POR: variants seen among roughly 807,000 people sequenced by gnomAD.
POR encodes the protein cytochrome p450 oxidoreductase, also known as NADPH--cytochrome P450 reductase.
POR carries 56 observed loss-of-function variants against 84.0 expected under a neutral mutation model. The ratio of observed to expected loss-of-function variants is 0.67; its 90% confidence interval spans 0.54 to 0.83. The LOEUF is 0.83. Among genes scored for constraint, POR ranks in the 40% least tolerant of loss-of-function variants. POR has a pLI of 0.00. For missense variants in POR, 938 were observed against 944.3 expected, an observed-to-expected ratio of 0.99 and a Z score of 0.09; for synonymous variants, 414 against 400.5, an observed-to-expected ratio of 1.03 and a Z score of -0.40.
At position 75,954,061 on chromosome 7, in the gene POR, ATC is replaced by A. The variant is rs782696006; in HGVS notation, c.73_74del (p.Leu25PhefsTer93). On this transcript the variant is annotated frameshift_variant, in exon 2 of 16. Coordinates refer to ENST00000461988, the MANE Select transcript of POR (RefSeq NM_000941.3). LOFTEE classifies it high-confidence loss of function. ...TGTCCGAGGCGGTGGCCGAAGAAGT[ATC>A]TCTTTTCAGCATGACGGACATGATT... 2 of 1,612,420 alleles carry A rather than the reference ATC, an allele frequency of 1.2e-6. No homozygotes were observed. The highest frequency in any genetic ancestry group is 3.3e-5 in the Admixed American group (2 of 59,788).
intron 2 of POR, among the ~76,000 whole-genome samples, chr7:75,962,526 C>T (rs1321008754): frequency 5.9e-5 from 9 of 152,156 alleles, no homozygotes; most frequent in Admixed American, 1.3e-4. Context: ...CTTGTTCGAA[C>T]GTCTGAGTTC....
Position 75,966,995 on chromosome 7 carries a change from G to C in POR, c.189-5418G>C, listed in dbSNP as rs41296500. Among the ~76,000 whole-genome samples, 355 of 152,108 alleles carry C rather than the reference G, an allele frequency of 2.3e-3. 3 individuals carry two copies. Among genetic ancestry groups the C allele is most frequent in the African/African-American group, 8.2e-3 (341 of 41,478 alleles). On this transcript the variant is annotated intron_variant, in intron 2 of 15. Coordinates refer to ENST00000461988, the MANE Select transcript of POR (RefSeq NM_000941.3). ...TTTTGTTTGTTTTTTCTTGAGACAG[G>C]GTCTCACTCTGTCAACCAGGTTGGA...
chr7:75,948,660 C>G (rs1342752949), intron 1 of POR, among the ~76,000 whole-genome samples: 3 of 152,192 alleles, frequency 2.0e-5, no homozygotes, highest in Admixed American at 1.3e-4. Context: ...CACTGCCAAT[C>G]CAGGTACCCG....
At chr7:75,949,216 G>A (rs370394703) in intron 1 of POR, among the ~76,000 whole-genome samples, 1 of 151,856 alleles carries the variant, frequency 6.6e-6, no homozygotes, top group South Asian at 2.1e-4. Flanking sequence ...GTGCAGTGGC[G>A]TGATCTCAGC....
chr7:75,985,130 C>T lies in POR; in HGVS notation c.1321C>T (p.Arg441Trp), dbSNP rs782215859. 21 of 1,599,894 alleles carry T rather than the reference C, an allele frequency of 1.3e-5. No individual in the cohort carries two copies. The East Asian group carries it at 1.8e-4, about 14-fold the overall frequency. ...CATCCTGCAGGACTGCCCGTCCCTG[C>T]GGCCCCCCATCGACCACCTGTGTGA... The change falls in exon 12 of 16, where the codon CGG (arginine) becomes TGG (tryptophan). Residue 441 changes from arginine (R) to tryptophan (W), a missense_variant. Transcript: ENST00000461988.
At chr7:75,983,477 C>G (rs1563432634) in intron 8 of POR, 43 bp from the exon 9 acceptor site, 2 of 1,434,348 alleles carry the variant, frequency 1.4e-6, no homozygotes, top group Non-Finnish European at 2.0e-6. Flanking sequence ...AGACTCAGAT[C>G]AAAGCCCCGG....
At chr7:75,934,374 A>G (rs879985921) in intron 1 of POR, among the ~76,000 whole-genome samples, 1 of 152,178 alleles carries the variant, frequency 6.6e-6, no homozygotes, top group South Asian at 2.1e-4. Context: ...CCCTACATTC[A>G]GATGTGGGAG....
intron 1 of POR, among the ~76,000 whole-genome samples, chr7:75,921,746 C>A (rs929632566): frequency 6.6e-6 from 1 of 152,080 alleles, no homozygotes; most frequent in Non-Finnish European, 1.5e-5. Context: ...CCTTTCTCTT[C>A]GCCCAGACTG....
intron 2 of POR, among the ~76,000 whole-genome samples, chr7:75,968,915 G>A (rs781835883): frequency 8.5e-5 from 13 of 152,214 alleles, no homozygotes; most frequent in South Asian, 2.1e-4. Flanking sequence ...CGGGCTTCTG[G>A]GATGGGAGCC....
chr7:75,982,957 TCA>T (rs1554558354), intron 8 of POR, among the ~76,000 whole-genome samples: 1 of 152,210 alleles, frequency 6.6e-6, no homozygotes, highest in African/African-American at 2.4e-5. Flanking sequence ...AGCTTGGGCC[TCA>T]CAGTTCTTTT....
At chr7:75,935,992 G>A (rs1213463480) in intron 1 of POR, among the ~76,000 whole-genome samples, 1 of 151,406 alleles carries the variant, frequency 6.6e-6, no homozygotes, top group African/African-American at 2.4e-5. Context: ...TCTCCCTTTG[G>A]CAGTTTTCTG....
intron 8 of POR, 50 bp downstream of exon 8, chr7:75,982,372 G>A (rs1554558223): frequency 2.8e-6 from 4 of 1,433,942 alleles, no homozygotes; most frequent in Non-Finnish European, 1.9e-6. Flanking sequence ...GGCCACTGGT[G>A]CACCCCAGGC....
chr7:75,962,436 G>A (rs868972300), intron 2 of POR, among the ~76,000 whole-genome samples: 7 of 152,044 alleles, frequency 4.6e-5, no homozygotes, highest in Non-Finnish European at 8.8e-5. Flanking sequence ...CTGGGGCTAC[G>A]GGCATGTGCC....
At position 75,980,820 on chromosome 7, in the gene POR, G is replaced by A. The variant is rs939133645; in HGVS notation, c.517-228G>A. The A allele has an allele frequency of 9.8e-6, 12 of 1,224,166 alleles. No homozygotes were observed. In the African/African-American group the frequency reaches 1.4e-4, roughly 14 times the overall value. The allele number at this position is 1,224,166 out of a possible 1,614,324, so 75.8% of individuals were successfully genotyped here. A position where few individuals can be genotyped will look rare whatever the true frequency, so the allele number is the denominator to read the frequency against. On this transcript the variant is annotated intron_variant, in intron 5 of 15. Transcript: ENST00000461988. ...GGTGGGCTGGCCCCGCTTCCCTGTG[G>A]GTTGAGGCTGGCAGTGGACGGGGCA...
rs782345141 is a variant in POR at position 75,985,217 on chromosome 7, G to A, written c.1398+10G>A. ...CGCCTCATCCTCCAAGGTGAGGGCC[G>A]GCACTGCCCTGCCAGCCACACGCTG... is the stretch of plus-strand genomic sequence containing the variant. On this transcript the variant is annotated intron_variant, in intron 12 of 15. Coordinates refer to ENST00000461988, the MANE Select transcript of POR (RefSeq NM_000941.3). 3.0e-5 allele frequency: 47 copies of A among 1,579,470 alleles called. No individual in the cohort carries two copies. Among genetic ancestry groups the A allele is most frequent in the Middle Eastern group, 1.7e-4 (1 of 6,034 alleles).
chr7:75,929,127 C>T (rs1281933184), intron 1 of POR, among the ~76,000 whole-genome samples: 9 of 152,136 alleles, frequency 5.9e-5, no homozygotes, highest in South Asian at 2.1e-4. Flanking sequence ...GTCACCATAG[C>T]GATGGGATCT....
chr7:75,938,322 C>T (rs1477012236), intron 1 of POR, among the ~76,000 whole-genome samples: 4 of 152,182 alleles, frequency 2.6e-5, no homozygotes, highest in Admixed American at 6.5e-5. Context: ...GTGCAGGCAT[C>T]GTTGTACAGT....
Position 75,986,028 on chromosome 7 carries a change from C to A in POR, c.1775C>A (p.Thr592Asn). Residue 592 changes from threonine (T) to asparagine (N), a missense_variant, in exon 14 of 16, where the codon ACC becomes AAC. Physicochemically the swap from Thr to Asn is moderately conservative, Grantham distance 65. Transcript: ENST00000461988. ...CAGTTCCACAGGGACGGTGCGCTCA[C>A]CCAGCTCAACGTGGCCTTCTCCCGG... 1 of 1,561,754 alleles carries A rather than the reference C, an allele frequency of 6.4e-7. No homozygotes were observed.
At chr7:75,971,270 A>G (rs1245919945) in intron 2 of POR, among the ~76,000 whole-genome samples, 1 of 152,096 alleles carries the variant, frequency 6.6e-6, no homozygotes. Context: ...CAAAAATGTC[A>G]TTTTAAATAC....
Sources: gnomAD v4.1 joint callset for allele counts (sites outside exome capture counted in the v4.1 genomes callset) on GRCh38, gnomAD v4.1.1 for gene constraint, MANE v1.5 for transcripts, NCBI Gene and HGNC (gene_info 2026-07-23, HGNC 2026-07-21) for gene names.